GRIK4: variants seen among roughly 807,000 people sequenced by gnomAD.
GRIK4 encodes the protein glutamate receptor ionotropic, kainate 4.
Under a neutral mutation model 104.9 loss-of-function variants are expected in GRIK4, and 40 were observed. The observed-to-expected ratio is 0.38, with a 90% confidence interval of 0.30 to 0.50. The LOEUF (loss-of-function observed/expected upper bound fraction) is 0.50. GRIK4 is among the 20% of genes least tolerant of loss of function. GRIK4 has a pLI of 0.93. For missense variants in GRIK4, 1,047 were observed against 1,308.1 expected (o/e 0.80, Z 3.08); for synonymous variants, 485 against 524.9 (o/e 0.92, Z 1.04).
intron 3 of GRIK4, among the ~76,000 whole-genome samples, chr11:120,797,097 C>G (rs565132963): frequency 2.0e-5 from 3 of 152,102 alleles, no homozygotes; most frequent in Admixed American, 2.0e-4. Flanking sequence ...CTGGGCATGC[C>G]GGAGGCATCT....
intron 1 of GRIK4, among the ~76,000 whole-genome samples, chr11:120,587,259 A>G (rs985972181): frequency 6.6e-6 from 1 of 152,138 alleles, no homozygotes; most frequent in Non-Finnish European, 1.5e-5. Context: ...GACACCGACA[A>G]TCGGGGTGAG....
chr11:120,952,680 C>T lies in GRIK4; in HGVS notation c.1591-175C>T, dbSNP rs1398488202. ...GGTCAGGGCTGGGTCGTGTCATTTG[C>T]GCAGCCCGGCAACACCCTCATTCCC... On this transcript the variant is annotated intron_variant, in intron 14 of 20. Transcript: ENST00000527524. This position sits in a 1 kb window ranked among gnomAD's most constrained non-coding sequence, Gnocchi z 5.2. Among the ~76,000 whole-genome samples the T allele has an allele frequency of 2.6e-5, 4 of 152,152 alleles. No individual in the cohort carries two copies. In the South Asian group the frequency reaches 6.2e-4, roughly 24 times the overall value.
chr11:120,964,832 T>C (rs531237853), intron 18 of GRIK4, among the ~76,000 whole-genome samples: 4 of 152,220 alleles, frequency 2.6e-5, no homozygotes, highest in South Asian at 2.1e-4. Context: ...TCAGAGCAGA[T>C]AGATTACTTG....
intron 1 of GRIK4, among the ~76,000 whole-genome samples, chr11:120,580,887 C>T (rs142993294): frequency 7.9e-5 from 12 of 152,290 alleles, no homozygotes; most frequent in South Asian, 2.1e-4. Context: ...CTATCACCAA[C>T]GCATGAGAGT....
At chr11:120,757,001 A>T (rs1215587818) in intron 3 of GRIK4, among the ~76,000 whole-genome samples, 1 of 152,200 alleles carries the variant, frequency 6.6e-6, no homozygotes, top group Non-Finnish European at 1.5e-5. Context: ...TTCACCCTTG[A>T]GTGAATCAAG....
Position 120,536,733 on chromosome 11 carries a change from G to A in GRIK4, c.-159+24846G>A, listed in dbSNP as rs11604764. Among the ~76,000 whole-genome samples, 544 of 152,242 alleles carry A rather than the reference G, an allele frequency of 3.6e-3. 3 individuals carry two copies. Among genetic ancestry groups the A allele is most frequent in the Non-Finnish European group, 5.6e-3 (379 of 68,016 alleles). On this transcript the variant is annotated intron_variant, in intron 1 of 20. Transcript: ENST00000527524. Reference sequence around the variant, plus strand: ...CGGCAGGGAAAGAAGCTACCCTACCGGATGAGTGGGGAGTGATCAATAGGA... The same window carrying A: ...CGGCAGGGAAAGAAGCTACCCTACCAGATGAGTGGGGAGTGATCAATAGGA...
chr11:120,921,466 T>C (rs1337642919), intron 13 of GRIK4, among the ~76,000 whole-genome samples: 1 of 152,226 alleles, frequency 6.6e-6, no homozygotes. Flanking sequence ...GGACCAGTTG[T>C]AGGTTTTCGG....
chr11:120,832,723 ATGCACAC>A (rs1245791313), intron 7 of GRIK4, among the ~76,000 whole-genome samples: 1 of 151,982 alleles, frequency 6.6e-6, no homozygotes, highest in Non-Finnish European at 1.5e-5. Context: ...GAGTCAGAAC[ATGCACAC>A]TGGAAACCAG....
chr11:120,839,392 G>T (rs1953659999), intron 8 of GRIK4, among the ~76,000 whole-genome samples: 1 of 152,178 alleles, frequency 6.6e-6, no homozygotes, highest in South Asian at 2.1e-4. Context: ...CTGGCTGTGT[G>T]ATCCTGTGCA....
chr11:120,717,616 C>G (rs981526225), intron 3 of GRIK4, among the ~76,000 whole-genome samples: 2 of 151,992 alleles, frequency 1.3e-5, no homozygotes, highest in Non-Finnish European at 2.9e-5. Flanking sequence ...CAGTTGACCT[C>G]TTTGGTCCTC....
intron 7 of GRIK4, among the ~76,000 whole-genome samples, chr11:120,835,128 T>C (rs1953539716): frequency 6.6e-6 from 1 of 152,186 alleles, no homozygotes; most frequent in Non-Finnish European, 1.5e-5. Context: ...GCCCTGAGAC[T>C]CCTGCCCCAG....
chr11:120,967,529 C>T lies in GRIK4; in HGVS notation c.2395+206C>T, dbSNP rs1944405546. Among the ~76,000 whole-genome samples, 1 of 152,194 alleles carries T rather than the reference C, an allele frequency of 6.6e-6. No individual in the cohort carries two copies. Among genetic ancestry groups the T allele is most frequent in the Non-Finnish European group, 1.5e-5 (1 of 68,044 alleles). The stretch of plus-strand genomic sequence containing the variant: ...AGGCACCCAGTGTCCACCCGGCTCC[C>T]AAGTCCTAGAGGCTCTGCCTCCATG... On this transcript the variant is annotated intron_variant, in intron 19 of 20. Transcript: ENST00000527524. The surrounding 1 kb of genome is among the most constrained non-coding windows in gnomAD (Gnocchi z 4.2).
At chr11:120,790,112 T>G (rs1487210912) in intron 3 of GRIK4, among the ~76,000 whole-genome samples, 1 of 152,142 alleles carries the variant, frequency 6.6e-6, no homozygotes, top group African/African-American at 2.4e-5. Flanking sequence ...CATCGTAAGA[T>G]TTTGTCATAT....
intron 1 of GRIK4, among the ~76,000 whole-genome samples, chr11:120,614,281 G>A (rs987037791): frequency 9.2e-5 from 14 of 152,226 alleles, no homozygotes; most frequent in African/African-American, 3.4e-4. Context: ...TCATTTGCCT[G>A]ATAGAAGAGT....
intron 8 of GRIK4, among the ~76,000 whole-genome samples, chr11:120,842,552 T>TA (rs1015717069): frequency 3.3e-5 from 5 of 152,228 alleles, no homozygotes; most frequent in African/African-American, 1.2e-4. Context: ...TCATGTATAC[T>TA]AAAAAAGCAA....
intron 3 of GRIK4, among the ~76,000 whole-genome samples, chr11:120,775,394 C>T (rs556291693): frequency 3.3e-5 from 5 of 152,284 alleles, no homozygotes; most frequent in Non-Finnish European, 5.9e-5. Context: ...AATCAGGCAG[C>T]CTGGGTTCTG....
chr11:120,708,228 T>C (rs556757612), intron 3 of GRIK4, among the ~76,000 whole-genome samples: 24 of 152,268 alleles, frequency 1.6e-4, no homozygotes, highest in African/African-American at 5.5e-4. Flanking sequence ...GATAAGATGC[T>C]GAAGAAGTGA....
chr11:120,783,619 C>A (rs1000420312), intron 3 of GRIK4, among the ~76,000 whole-genome samples: 6 of 152,212 alleles, frequency 3.9e-5, no homozygotes, highest in Admixed American at 6.5e-5. Context: ...CTAGCTCTTT[C>A]CTTCCATGGC....
At chr11:120,650,357 C>A (rs4935750) in intron 1 of GRIK4, among the ~76,000 whole-genome samples, 6 of 152,026 alleles carry the variant, frequency 3.9e-5, no homozygotes. Flanking sequence ...AGAGTAGATA[C>A]GCAGAAAAGA....
Sources: allele counts gnomAD v4.1 joint callset (sites outside exome capture counted in the v4.1 genomes callset), GRCh38; gene constraint gnomAD v4.1.1; non-coding constraint Gnocchi (gnomAD v3.1); transcripts MANE v1.5; gene names NCBI Gene and HGNC (gene_info 2026-07-23, HGNC 2026-07-21).